Variants in C7orf78 observed in about 807,000 individuals in gnomAD.
C7orf78 encodes the protein putative uncharacterized protein C7orf78.
the C7orf78 span, chr7:12,484,154 TTGAAG>T: frequency 6.6e-6 from 1 of 152,210 alleles, no homozygotes; most frequent in Non-Finnish European, 1.5e-5. Context: ...TTCAAACTTC[TTGAAG>T]CAATTTGTTT....
At chr7:12,523,546 A>T in the C7orf78 span, 1 of 394,180 alleles carries the variant, frequency 2.5e-6, no homozygotes. Flanking sequence ...TGTGTATATA[A>T]TGTGTATAAT....
chr7:12,496,477 C>G, the C7orf78 span: 1 of 149,524 alleles, frequency 6.7e-6, no homozygotes, highest in Non-Finnish European at 1.5e-5. Context: ...TTATTAAGTA[C>G]TCTACTGTCA....
the C7orf78 span, among the ~76,000 whole-genome samples, chr7:12,486,808 T>C: frequency 1.3e-5 from 2 of 152,058 alleles, no homozygotes; most frequent in African/African-American, 4.8e-5. Context: ...AATTAAAAGA[T>C]AGTAGTGTGT....
the C7orf78 span, among the ~76,000 whole-genome samples, chr7:12,493,594 G>A: frequency 2.0e-5 from 3 of 152,190 alleles, no homozygotes; most frequent in East Asian, 3.9e-4. Flanking sequence ...TTTGAGAACC[G>A]ATTTAGTCAC....
At chr7:12,527,714 G>A in the C7orf78 span, among the ~76,000 whole-genome samples, 22 of 145,140 alleles carry the variant, frequency 1.5e-4, no homozygotes, top group African/African-American at 5.8e-4. Flanking sequence ...CTGTGTAATT[G>A]AAATGGAACA....
the C7orf78 span, among the ~76,000 whole-genome samples, chr7:12,514,155 C>G: frequency 3.9e-5 from 6 of 152,044 alleles, no homozygotes; most frequent in African/African-American, 9.7e-5. Context: ...GTTCAAGTAT[C>G]CCACTATTAT....
chr7:12,502,393 A>G, the C7orf78 span, among the ~76,000 whole-genome samples: 1 of 151,258 alleles, frequency 6.6e-6, no homozygotes, highest in Non-Finnish European at 1.5e-5. Flanking sequence ...CAAGAAAAAA[A>G]CAAACAACCC....
chr7:12,525,081 A>G, the C7orf78 span, among the ~76,000 whole-genome samples: 1 of 152,128 alleles, frequency 6.6e-6, no homozygotes, highest in South Asian at 2.1e-4. Flanking sequence ...AAAATCTTGT[A>G]TTAGAGAATC....
the C7orf78 span, chr7:12,506,856 C>T: frequency 2.9e-5 from 13 of 442,402 alleles, 1 homozygote; most frequent in South Asian, 8.2e-5. Flanking sequence ...GTCAGGTTAT[C>T]GTAGAAAAGT....
At chr7:12,500,761 G>T in the C7orf78 span, among the ~76,000 whole-genome samples, 17 of 150,898 alleles carry the variant, frequency 1.1e-4, no homozygotes, top group Admixed American at 1.1e-3. Flanking sequence ...ACCAAAGCCG[G>T]GCAGAGACAC....
the C7orf78 span, among the ~76,000 whole-genome samples, chr7:12,504,961 C>T: frequency 6.6e-6 from 1 of 151,896 alleles, no homozygotes; most frequent in African/African-American, 2.4e-5. Context: ...AAATTCAAAT[C>T]ATATATCTAG....
chr7:12,502,654 C>G, the C7orf78 span, among the ~76,000 whole-genome samples: 1,163 of 152,086 alleles, frequency 7.6e-3, 20 homozygotes, highest in African/African-American at 0.027. Context: ...ACTAGTTCAA[C>G]CATTGTAGAA....
At chr7:12,513,892 A>G in the C7orf78 span, among the ~76,000 whole-genome samples, 1 of 152,054 alleles carries the variant, frequency 6.6e-6, no homozygotes, top group Non-Finnish European at 1.5e-5. Context: ...CCCAGCTACT[A>G]GGGAGGCTGA....
At chr7:12,523,338 A>T in the C7orf78 span, 1 of 398,390 alleles carries the variant, frequency 2.5e-6, no homozygotes, top group Non-Finnish European at 4.4e-6. Flanking sequence ...CCACATCTGG[A>T]TTTACAAAAA....
At chr7:12,483,897 A>AAAAAG in the C7orf78 span, 1 of 148,778 alleles carries the variant, frequency 6.7e-6, no homozygotes, top group Non-Finnish European at 1.5e-5. Context: ...AAAAAAAAAG[A>AAAAAG]AAGAAAGAAA....
the C7orf78 span, chr7:12,542,152 A>T: frequency 2.0e-5 from 3 of 152,198 alleles, no homozygotes; most frequent in African/African-American, 7.2e-5. Context: ...CAATTTCACT[A>T]TGAAAACTAC....
the C7orf78 span, among the ~76,000 whole-genome samples, chr7:12,499,167 C>A: frequency 6.6e-6 from 1 of 152,150 alleles, no homozygotes; most frequent in Admixed American, 6.6e-5. Flanking sequence ...TAGGAAGAAA[C>A]TGCATCAACT....
At chr7:12,491,859 G>A in the C7orf78 span, 1 of 152,108 alleles carries the variant, frequency 6.6e-6, no homozygotes, top group Admixed American at 6.5e-5. Context: ...ATGACATTTA[G>A]TTTACCTTAC....
the C7orf78 span, among the ~76,000 whole-genome samples, chr7:12,514,501 G>T: frequency 6.6e-6 from 1 of 151,944 alleles, no homozygotes; most frequent in Admixed American, 6.6e-5. Context: ...TTCAGCCAGT[G>T]TAAATCTTTT....
Sources: allele counts gnomAD v4.1 joint callset (sites outside exome capture counted in the v4.1 genomes callset), GRCh38; gene constraint gnomAD v4.1.1; transcripts MANE v1.5; gene names NCBI Gene and HGNC (gene_info 2026-07-23, HGNC 2026-07-21).